PSG8: variants seen among roughly 807,000 people sequenced by gnomAD.
PSG8 encodes the protein pregnancy specific beta-1-glycoprotein 8, also known as pregnancy-specific beta-1-glycoprotein 8.
In PSG8, 57 loss-of-function variants were observed where a neutral mutation model predicts 42.5. The ratio of observed to expected loss-of-function variants is 1.34; its 90% CI spans 1.08 to 1.67. PSG8 has a LOEUF of 1.67. Among genes scored for constraint, PSG8 ranks in the 40% most tolerant of loss-of-function variants. The pLI, the probability that PSG8 is intolerant of heterozygous loss-of-function variation, is 0.00. For missense variants in PSG8, 783 were observed against 518.6 expected (o/e 1.51, Z -4.95); for synonymous variants, 280 against 196.8 (o/e 1.42, Z -3.54).
chr19:42,752,949 G>A (rs184905131), downstream of PSG8: 351 of 344,134 alleles, frequency 1.0e-3, no homozygotes, highest in African/African-American at 7.4e-3. Flanking sequence ...TTATGTAAAA[G>A]TTTGGGTTGA....
intron 2 of PSG8, chr19:42,758,662 C>A: frequency 4.1e-6 from 1 of 242,454 alleles, no homozygotes; most frequent in South Asian, 8.6e-5. Context: ...TCTTACTTTG[C>A]CGCCCAAGGT....
rs1442818237 is a variant in PSG8, at chr19:42,760,316, C to G, written c.431-2036G>C. Among the ~76,000 whole-genome samples the G allele has an allele frequency of 1.4e-4, 22 of 152,164 alleles. 1 individual carries two copies. The highest frequency in any genetic ancestry group is 1.4e-3 in the Admixed American group (21 of 15,282). Reference sequence around the variant, plus strand: ...ATAGCACCCACCTGGCCACCTCCAACTGGTCCCCAAAACCACCAGTATTCC... The same window carrying G: ...ATAGCACCCACCTGGCCACCTCCAAGTGGTCCCCAAAACCACCAGTATTCC... On this transcript the variant is annotated intron_variant, in intron 2 of 4. Coordinates refer to ENST00000306511, the MANE Select transcript of PSG8 (RefSeq NM_182707.3).
At chr19:42,762,664 G>A (rs929924516) in intron 2 of PSG8, among the ~76,000 whole-genome samples, 13 of 151,946 alleles carry the variant, frequency 8.6e-5, no homozygotes, top group African/African-American at 2.4e-5. Flanking sequence ...TGGACACTTT[G>A]GGAAACACAG....
chr19:42,761,462 A>G (rs1011934107), intron 2 of PSG8, among the ~76,000 whole-genome samples: 1 of 152,150 alleles, frequency 6.6e-6, no homozygotes, highest in Non-Finnish European at 1.5e-5. Flanking sequence ...GCTCCTATAG[A>G]TAACATCACT....
chr19:42,765,387 C>G, intron 1 of PSG8, 131 bp downstream of exon 1: 1 of 1,418,654 alleles, frequency 7.0e-7, no homozygotes, highest in South Asian at 1.2e-5. Context: ...CTCCTGATCT[C>G]ATGATCCACC....
At position 42,754,240 on chromosome 19, in the gene PSG8, G is replaced by A; in HGVS notation, c.*55C>T. 1.3e-6 allele frequency: 2 copies of A among 1,596,306 alleles called. 1 individual carries two copies. The highest frequency in any genetic ancestry group is 1.7e-6 in the Non-Finnish European group (2 of 1,171,666). ...GATTTGCTTGTGCCCATGGGACGCA[G>A]GCTGGGAATAAAAATGTTTTCCTGA... On this transcript the variant is annotated 3_prime_UTR_variant, in exon 5 of 5. Coordinates refer to ENST00000306511, the MANE Select transcript of PSG8 (RefSeq NM_182707.3).
In PSG8 at chr19:42,758,233, C is replaced by T. The variant is rs150936706; in HGVS notation, c.478G>A (p.Glu160Lys). 11 of 1,613,904 alleles carry T rather than the reference C, an allele frequency of 6.8e-6. No individual in the cohort carries two copies. The highest frequency in any genetic ancestry group is 9.3e-6 in the Non-Finnish European group (11 of 1,179,970). ...GTTAAGCTCACAGCCTCCATGGCCTCCCTGGGGTTTAATTTGCTGCTGGAG... is the reference window on the plus strand; with the variant it reads ...GTTAAGCTCACAGCCTCCATGGCCTTCCTGGGGTTTAATTTGCTGCTGGAG... ...SISSSKLNPR[E>K]AMEAVSLTCD... The change falls in exon 3 of 5, where the codon GAG (glutamate) becomes AAG (lysine). Residue 160 changes from glutamate to lysine, a missense_variant. Transcript: ENST00000306511.
At chr19:42,759,845 A>T (rs550662100) in intron 2 of PSG8, among the ~76,000 whole-genome samples, 1 of 152,200 alleles carries the variant, frequency 6.6e-6, no homozygotes, top group Non-Finnish European at 1.5e-5. Context: ...CATAAGGTTT[A>T]GGTGTGCCAT....
chr19:42,752,918 G>A, downstream of PSG8: 1 of 309,266 alleles, frequency 3.2e-6, no homozygotes, highest in South Asian at 5.6e-5. Flanking sequence ...GGTGGAGAGA[G>A]CCACATTTCC....
chr19:42,756,498 T>A (rs1969930775), intron 3 of PSG8, among the ~76,000 whole-genome samples: 1 of 152,192 alleles, frequency 6.6e-6, no homozygotes, highest in African/African-American at 2.4e-5. Context: ...ATTTGTCATA[T>A]ACTTACTGGT....
At position 42,762,936 on chromosome 19, in the gene PSG8, G is replaced by T. The variant is rs149437824; in HGVS notation, c.430+980C>A. Among the ~76,000 whole-genome samples, 311 of 152,284 alleles carry T rather than the reference G, an allele frequency of 2.0e-3. 3 individuals are homozygous for T. The highest frequency in any genetic ancestry group is 6.7e-3 in the African/African-American group (277 of 41,554). On this transcript the variant is annotated intron_variant, in intron 2 of 4. Transcript: ENST00000306511. The stretch of plus-strand genomic sequence containing the variant: ...GCCTGTGGCTGCGGACACACCTCAT[G>T]TGACCCTGATCTCCCCTTTGTGATT...
intron 2 of PSG8, among the ~76,000 whole-genome samples, chr19:42,763,521 T>G (rs1441583299): frequency 1.3e-5 from 2 of 152,190 alleles, no homozygotes; most frequent in East Asian, 1.9e-4. Flanking sequence ...AGGGACACTG[T>G]TCTGGGGGTG....
In PSG8 at chr19:42,755,354, T is replaced by G. The variant is rs554373976; in HGVS notation, c.710-88A>C. ...TTCAATCAGAGTTGGCATCTCCCAC[T>G]TCTCAGCCCACCCGAGTCCTTGAAA... On this transcript the variant is annotated intron_variant, in intron 3 of 4. Coordinates refer to ENST00000306511, the MANE Select transcript of PSG8 (RefSeq NM_182707.3). 20 of 1,570,864 alleles carry G rather than the reference T, an allele frequency of 1.3e-5. 1 individual carries two copies. Among genetic ancestry groups the G allele is most frequent in the South Asian group, 7.2e-5 (6 of 83,216 alleles).
intron 3 of PSG8, chr19:42,755,906 C>G (rs1215785839): frequency 1.9e-5 from 3 of 156,914 alleles, no homozygotes; most frequent in Non-Finnish European, 4.2e-5. Context: ...CCAGTGACCT[C>G]TAAAGATAGA....
chr19:42,754,841 T>C (rs1029210981), intron 4 of PSG8, 147 bp downstream of exon 4: 19 of 1,508,186 alleles, frequency 1.3e-5, no homozygotes, highest in African/African-American at 2.8e-5. Context: ...CTACCCAGGT[T>C]TTCCCAGGGC....
chr19:42,758,169 C>T lies in PSG8; in HGVS notation c.542G>A (p.Trp181Ter), dbSNP rs549833586. ...PETPDASYLW[W>*]MNGQSLPMSH... ...CATAGGGAGGCTCTGACCATTCATC[C>T]ACCACAGGTAGCTTGCGTCCGGAGT... Residue 181 changes from tryptophan to a stop codon, truncating the protein, a stop_gained, in exon 3 of 5, where the codon TGG (tryptophan) becomes TAG (stop). Transcript: ENST00000306511. LOFTEE classifies it high-confidence loss of function. The T allele has an allele frequency of 1.9e-6, 3 of 1,614,022 alleles. No individual in the cohort carries two copies. In the East Asian group the frequency reaches 6.7e-5, roughly 36 times the overall value.
At chr19:42,756,640 A>G (rs1454821758) in intron 3 of PSG8, among the ~76,000 whole-genome samples, 1 of 151,718 alleles carries the variant, frequency 6.6e-6, no homozygotes, top group Non-Finnish European at 1.5e-5. Context: ...TTCTCTCACC[A>G]CTTTTCTAGC....
chr19:42,755,027 C>T lies in PSG8; in HGVS notation c.949G>A (p.Gly317Ser). The T allele has an allele frequency of 6.2e-7, 1 of 1,613,340 alleles. No homozygotes were observed. Among genetic ancestry groups the T allele is most frequent in the South Asian group, 1.1e-5 (1 of 91,054 alleles). Residue 317 changes from glycine (G) to serine (S), a missense_variant, in exon 4 of 5, where the codon GGT (glycine) becomes AGT (serine). Physicochemically the swap from Gly to Ser is moderately conservative, Grantham distance 56. Coordinates refer to ENST00000306511, the MANE Select transcript of PSG8 (RefSeq NM_182707.3). ...GTGACTGGGTAACTGCGGATGCCACCATATTGGTCCCTTATTTCACATTGA... is the reference window on the plus strand; with the variant it reads ...GTGACTGGGTAACTGCGGATGCCACTATATTGGTCCCTTATTTCACATTGA... ...PYQCEIRDQY[G>S]GIRSYPVTLN...
In PSG8 at chr19:42,765,551, G is replaced by A. The variant is rs763084223; in HGVS notation, c.31C>T (p.Gln11Ter). 13 of 1,611,270 alleles carry A rather than the reference G, an allele frequency of 8.1e-6. No individual in the cohort carries two copies. In the South Asian group the frequency reaches 1.3e-4, roughly 16 times the overall value. Residue 11 changes from glutamine to a stop codon, truncating the protein, a stop_gained, in exon 1 of 5, where the codon CAG (glutamine) becomes TAG (stop). Coordinates refer to ENST00000306511, the MANE Select transcript of PSG8 (RefSeq NM_182707.3). LOFTEE classifies it high-confidence loss of function. ...AGGAGCCCCTTCCAGGTGATGCGCTGTGTGCAGGGAGGGGCTGAGAGGAGC... is the reference window on the plus strand; with the variant it reads ...AGGAGCCCCTTCCAGGTGATGCGCTATGTGCAGGGAGGGGCTGAGAGGAGC... MGLLSAPPCT[Q>*]RITWKGLLLT...
Sources: allele counts gnomAD v4.1 joint callset (sites outside exome capture counted in the v4.1 genomes callset), GRCh38; gene constraint gnomAD v4.1.1; transcripts MANE v1.5; gene names NCBI Gene and HGNC (gene_info 2026-07-23, HGNC 2026-07-21).